Variants in RALGPS1 observed in about 807,000 individuals in gnomAD.
RALGPS1 encodes the protein ras-specific guanine nucleotide-releasing factor RalGPS1.
Under a neutral mutation model 78.8 loss-of-function variants are expected in RALGPS1, and 19 were observed. The observed-to-expected ratio is 0.24, with a 90% CI of 0.17 to 0.35. The LOEUF (loss-of-function observed/expected upper bound fraction) is 0.35. Among genes scored for constraint, RALGPS1 ranks in the 10% least tolerant of loss-of-function variants. The probability of loss-of-function intolerance (pLI) is 1.00; values close to 1 mark genes in which losing one functional copy is unlikely to be tolerated. For missense variants in RALGPS1, 454 were observed against 688.3 expected, an observed-to-expected ratio of 0.66 and a Z score of 3.81; for synonymous variants, 228 against 256.3, an observed-to-expected ratio of 0.89 and a Z score of 1.06.
chr9:126,972,060 C>T (rs963207922), intron 3 of RALGPS1, among the ~76,000 whole-genome samples: 1 of 152,166 alleles, frequency 6.6e-6, no homozygotes, highest in African/African-American at 2.4e-5. Flanking sequence ...TTCCGGAGAA[C>T]TGGTTGATTC....
intron 14 of RALGPS1, among the ~76,000 whole-genome samples, chr9:127,206,955 ACT>A (rs1046421277): frequency 6.6e-6 from 1 of 151,948 alleles, no homozygotes; most frequent in Non-Finnish European, 1.5e-5. Flanking sequence ...TGGGCAAGTG[ACT>A]CTACGTCTCC....
intron 7 of RALGPS1, among the ~76,000 whole-genome samples, chr9:127,064,901 T>TGGTTTTG (rs34643790): frequency 6.6e-6 from 1 of 151,848 alleles, no homozygotes; most frequent in South Asian, 2.1e-4. Context: ...GTTTTGGTTT[T>TGGTTTTG]GTTTGTTTTG....
intron 11 of RALGPS1, among the ~76,000 whole-genome samples, chr9:127,189,662 A>G (rs2060914405): frequency 1.3e-5 from 2 of 152,190 alleles, no homozygotes; most frequent in Non-Finnish European, 2.9e-5. Flanking sequence ...GAATGGGGCT[A>G]TTTACAAAGA....
chr9:127,071,416 C>G (rs1255984474), intron 8 of RALGPS1, among the ~76,000 whole-genome samples: 1 of 152,058 alleles, frequency 6.6e-6, no homozygotes, highest in African/African-American at 2.4e-5. Context: ...TAATTGGCAG[C>G]AGTTTTTCTT....
intron 8 of RALGPS1, among the ~76,000 whole-genome samples, chr9:127,101,856 G>T (rs2053761947): frequency 6.6e-6 from 1 of 152,126 alleles, no homozygotes; most frequent in South Asian, 2.1e-4. Flanking sequence ...TTCTCTGTGT[G>T]TATAGTAGTT....
At chr9:127,168,639 G>A in intron 9 of RALGPS1, 40 bp from the exon 10 acceptor site, 2 of 1,410,488 alleles carry the variant, frequency 1.4e-6, no homozygotes, top group Non-Finnish European at 2.0e-6. Flanking sequence ...CCTAAAGATG[G>A]GAGAGCCTAA....
At chr9:126,982,111 A>C (rs1414962204) in intron 4 of RALGPS1, among the ~76,000 whole-genome samples, 1 of 152,254 alleles carries the variant, frequency 6.6e-6, no homozygotes, top group East Asian at 1.9e-4. Flanking sequence ...GACAGAAGCC[A>C]GCAAGGACTT....
At chr9:126,997,867 GTATCTACAAC>G (rs938661073) in intron 4 of RALGPS1, among the ~76,000 whole-genome samples, 8 of 151,934 alleles carry the variant, frequency 5.3e-5, no homozygotes, top group Non-Finnish European at 4.4e-5. Flanking sequence ...ACAATGCTTC[GTATCTACAAC>G]TATCTGATCT....
At chr9:127,186,703 C>T (rs2060671404) in intron 11 of RALGPS1, among the ~76,000 whole-genome samples, 1 of 152,206 alleles carries the variant, frequency 6.6e-6, no homozygotes. Context: ...GGAGCTGAGA[C>T]CCAGAGCAGG....
chr9:127,022,223 A>G (rs1189098462), intron 4 of RALGPS1, among the ~76,000 whole-genome samples: 1 of 152,008 alleles, frequency 6.6e-6, no homozygotes, highest in Non-Finnish European at 1.5e-5. Context: ...GGAGGCCCTC[A>G]TGTTCATTTC....
intron 8 of RALGPS1, chr9:127,089,166 G>A (rs765742804): frequency 2.9e-5 from 47 of 1,611,854 alleles, no homozygotes; most frequent in Non-Finnish European, 6.8e-6. Context: ...GTGAGAGGGT[G>A]TCTGGGAGGA....
chr9:127,107,451 C>G (rs946233358), intron 8 of RALGPS1, among the ~76,000 whole-genome samples: 1 of 152,224 alleles, frequency 6.6e-6, no homozygotes, highest in Non-Finnish European at 1.5e-5. Flanking sequence ...TGCCCAGCCC[C>G]TACAATGTGT....
intron 1 of RALGPS1, among the ~76,000 whole-genome samples, chr9:126,928,442 A>G (rs2035499048): frequency 1.3e-5 from 2 of 152,202 alleles, no homozygotes; most frequent in African/African-American, 4.8e-5. Flanking sequence ...GAACAGATAG[A>G]AAGTAGAGGC....
chr9:127,178,155 G>A (rs2059990645), intron 11 of RALGPS1: 2 of 647,986 alleles, frequency 3.1e-6, no homozygotes, highest in African/African-American at 1.9e-5. Context: ...CTGTGGGCAG[G>A]GAGGGGGAAG....
intron 4 of RALGPS1, among the ~76,000 whole-genome samples, chr9:127,023,524 A>C (rs1224761091): frequency 6.6e-6 from 1 of 151,328 alleles, no homozygotes; most frequent in African/African-American, 2.4e-5. Context: ...GTTTCACTGC[A>C]GCTGGTCTTC....
chr9:127,102,565 A>G (rs2053843535), intron 8 of RALGPS1, among the ~76,000 whole-genome samples: 1 of 152,198 alleles, frequency 6.6e-6, no homozygotes, highest in Non-Finnish European at 1.5e-5. Flanking sequence ...TTTATCTCCT[A>G]TGACTGTAAA....
At chr9:127,072,753 C>G (rs529035069) in intron 8 of RALGPS1, among the ~76,000 whole-genome samples, 1 of 152,008 alleles carries the variant, frequency 6.6e-6, no homozygotes, top group Non-Finnish European at 1.5e-5. Flanking sequence ...GTTACAGTCC[C>G]CTTATATTTC....
chr9:127,158,499 C>G (rs2139343342), intron 8 of RALGPS1, among the ~76,000 whole-genome samples: 1 of 152,282 alleles, frequency 6.6e-6, no homozygotes, highest in Admixed American at 6.5e-5. Context: ...TATCCCCGCT[C>G]TCATCCCTAA....
At position 127,009,019 on chromosome 9, in the gene RALGPS1, G is replaced by A. The variant is rs192102149; in HGVS notation, c.217-25412G>A. Among the ~76,000 whole-genome samples the A allele has an allele frequency of 5.9e-3, 894 of 152,248 alleles. 2 individuals are homozygous for A. Among genetic ancestry groups the A allele is most frequent in the Non-Finnish European group, 9.5e-3 (648 of 68,016 alleles). ...AAGGCTTTTTGCTTTCAAAATCCAC[G>A]CAAGATCCTAGAGGCTTATTTTTGT... On this transcript the variant is annotated intron_variant, in intron 4 of 18. Transcript: ENST00000259351.
Sources: allele counts gnomAD v4.1 joint callset (sites outside exome capture counted in the v4.1 genomes callset), GRCh38; gene constraint gnomAD v4.1.1; transcripts MANE v1.5; gene names NCBI Gene and HGNC (gene_info 2026-07-23, HGNC 2026-07-21).